CSMD1: variants seen among roughly 807,000 people sequenced by gnomAD.
The protein encoded by CSMD1 is CUB and sushi domain-containing protein 1.
Under a neutral mutation model 417.5 loss-of-function variants are expected in CSMD1, and 213 were observed. The observed-to-expected ratio is 0.51, with a 90% CI of 0.46 to 0.57. The LOEUF is 0.57. Among genes scored for constraint, CSMD1 ranks in the 20% least tolerant of loss-of-function variants. The pLI, the probability that CSMD1 is intolerant of heterozygous loss-of-function variation, is 0.00. For missense variants in CSMD1, 6,923 were observed against 4,529.7 expected (o/e 1.53, Z -15.17); for synonymous variants, 2,862 against 1,736.8 (o/e 1.65, Z -16.11).
intron 7 of CSMD1, among the ~76,000 whole-genome samples, chr8:3,658,464 G>GTATATATATATATATATATAT (rs113956125): frequency 2.1e-5 from 3 of 144,176 alleles, no homozygotes; most frequent in African/African-American, 5.0e-5. Flanking sequence ...TATATATATT[G>GTATATATATATATATATATAT]TGTATATATA....
At chr8:4,269,416 T>A (rs1426404410) in intron 3 of CSMD1, among the ~76,000 whole-genome samples, 1 of 152,198 alleles carries the variant, frequency 6.6e-6, no homozygotes, top group African/African-American at 2.4e-5. Flanking sequence ...GCTGTGTAGC[T>A]TTTGATATTG....
intron 1 of CSMD1, among the ~76,000 whole-genome samples, chr8:4,650,347 GAAAAAAA>G (rs61642390): frequency 0.049 from 3,828 of 78,268 alleles, 134 homozygotes; most frequent in African/African-American, 0.15. Flanking sequence ...TCCGTCTCAA[GAAAAAAA>G]AAAAAAAAAA....
rs765200278 is a variant in CSMD1 at position 3,408,125 on chromosome 8, G to A, written c.1845C>T (p.Ile615=). The A allele has an allele frequency of 5.7e-5, 92 of 1,613,642 alleles. No homozygotes were observed. Among genetic ancestry groups the A allele is most frequent in the Non-Finnish European group, 7.5e-5 (88 of 1,179,794 alleles). The part of the protein sequence containing the change: ...GNNMNCVWLI[I]SEPGSRIHLI... ...GGTGAATTCGACTTCCTGGCTCCGA[G>A]ATAATCAACCAGACACAGTTCATGT... Residue 615 remains isoleucine, a synonymous_variant, in exon 14 of 70, where the codon ATC becomes ATT. Transcript: ENST00000635120.
rs557180332 is a variant in CSMD1, at chr8:4,386,375, G to A, written c.415+33578C>T. On this transcript the variant is annotated intron_variant, in intron 3 of 69. Coordinates refer to ENST00000635120, the MANE Select transcript of CSMD1 (RefSeq NM_033225.6). ...CCCACTCAAACAATATACACTATCAGACATTCTCCTAAGTTCCATCCCCGG... is the reference window on the plus strand; with the variant it reads ...CCCACTCAAACAATATACACTATCAAACATTCTCCTAAGTTCCATCCCCGG... Among the ~76,000 whole-genome samples, 6 of 151,608 alleles carry A rather than the reference G, an allele frequency of 4.0e-5. No homozygotes were observed. The South Asian group carries it at 6.3e-4, about 16-fold the overall frequency.
At chr8:3,865,385 C>G (rs751182660) in intron 5 of CSMD1, among the ~76,000 whole-genome samples, 1 of 152,160 alleles carries the variant, frequency 6.6e-6, no homozygotes, top group Non-Finnish European at 1.5e-5. Context: ...AACACATTCC[C>G]TCAGTCCCTG....
At chr8:4,468,155 A>G (rs749100458) in intron 2 of CSMD1, among the ~76,000 whole-genome samples, 2 of 152,042 alleles carry the variant, frequency 1.3e-5, no homozygotes, top group Admixed American at 6.6e-5. Context: ...ACAGCTCTCT[A>G]TTTTCTGTGC....
intron 1 of CSMD1, among the ~76,000 whole-genome samples, chr8:4,811,455 A>G (rs1798903361): frequency 6.6e-6 from 1 of 152,112 alleles, no homozygotes; most frequent in African/African-American, 2.4e-5. Context: ...TTTGTTCTAG[A>G]AGAATACAAC....
At chr8:3,578,335 G>T (rs1230748564) in intron 9 of CSMD1, among the ~76,000 whole-genome samples, 2 of 152,210 alleles carry the variant, frequency 1.3e-5, no homozygotes, top group East Asian at 3.9e-4. Context: ...GGGAGCTTTG[G>T]TGATGATCTG....
intron 10 of CSMD1, among the ~76,000 whole-genome samples, chr8:3,499,262 T>C (rs891240882): frequency 5.3e-5 from 8 of 152,246 alleles, no homozygotes; most frequent in Admixed American, 4.6e-4. Flanking sequence ...TTGTAATCAA[T>C]GTCTGCATGT....
At chr8:3,546,320 G>C (rs1324999460) in intron 10 of CSMD1, among the ~76,000 whole-genome samples, 1 of 152,030 alleles carries the variant, frequency 6.6e-6, no homozygotes, top group Non-Finnish European at 1.5e-5. Context: ...GGGATCATGA[G>C]GTCAGGAGAT....
intron 3 of CSMD1, among the ~76,000 whole-genome samples, chr8:4,251,148 A>C (rs1175457703): frequency 6.6e-6 from 1 of 152,194 alleles, no homozygotes; most frequent in Non-Finnish European, 1.5e-5. Flanking sequence ...GAAAAGTATA[A>C]AGGTATACAA....
At chr8:4,675,390 T>C (rs936412413) in intron 1 of CSMD1, among the ~76,000 whole-genome samples, 2 of 152,180 alleles carry the variant, frequency 1.3e-5, no homozygotes, top group Non-Finnish European at 2.9e-5. Flanking sequence ...ACCTTAAGTT[T>C]ATCATTTCTG....
rs376849873 is a variant in CSMD1, at chr8:3,721,760, A to G, written c.932-13269T>C. ...AGGAACAGAATTCTAAATTCTTTAC[A>G]TGAGGATAATAGAATTTCTCTCTGA... On this transcript the variant is annotated intron_variant, in intron 6 of 69. Coordinates refer to ENST00000635120, the MANE Select transcript of CSMD1 (RefSeq NM_033225.6). Among the ~76,000 whole-genome samples the G allele has an allele frequency of 5.3e-5, 8 of 152,338 alleles. No homozygotes were observed. The South Asian group carries it at 1.2e-3, about 24-fold the overall frequency.
intron 2 of CSMD1, among the ~76,000 whole-genome samples, chr8:4,628,242 G>T (rs1802237886): frequency 6.6e-6 from 1 of 151,210 alleles, no homozygotes; most frequent in African/African-American, 2.4e-5. Flanking sequence ...ATAAATGAAG[G>T]AAACTAATTC....
intron 2 of CSMD1, among the ~76,000 whole-genome samples, chr8:4,607,842 T>G (rs969742905): frequency 6.6e-6 from 1 of 152,206 alleles, no homozygotes; most frequent in South Asian, 2.1e-4. Flanking sequence ...ACTTTCACTA[T>G]TTTCTGAATC....
chr8:3,957,249 G>A (rs1441617523), intron 5 of CSMD1, among the ~76,000 whole-genome samples: 1 of 152,340 alleles, frequency 6.6e-6, no homozygotes, highest in South Asian at 2.1e-4. Flanking sequence ...GTCTTTGTGT[G>A]TAGGTTTCAC....
chr8:4,442,939 CGTAAT>C (rs1442768297), intron 2 of CSMD1, among the ~76,000 whole-genome samples: 3 of 152,108 alleles, frequency 2.0e-5, no homozygotes, highest in Non-Finnish European at 4.4e-5. Flanking sequence ...TGTCCCTCAA[CGTAAT>C]GTATCTACAG....
chr8:4,208,981 G>C (rs1338669866), intron 3 of CSMD1, among the ~76,000 whole-genome samples: 1 of 152,156 alleles, frequency 6.6e-6, no homozygotes, highest in Non-Finnish European at 1.5e-5. Flanking sequence ...AAACCTACCA[G>C]TGAAAGCTGC....
intron 5 of CSMD1, among the ~76,000 whole-genome samples, chr8:3,892,522 G>A (rs1186108515): frequency 8.2e-6 from 1 of 121,256 alleles, no homozygotes; most frequent in Non-Finnish European, 1.6e-5. Flanking sequence ...CTATGTTAGA[G>A]GAATTTTGCA....
Sources: gnomAD v4.1 joint callset for allele counts (sites outside exome capture counted in the v4.1 genomes callset) on GRCh38, gnomAD v4.1.1 for gene constraint, MANE v1.5 for transcripts, NCBI Gene and HGNC (gene_info 2026-07-23, HGNC 2026-07-21) for gene names.